SLC16A12: variants seen among roughly 807,000 people sequenced by gnomAD.
SLC16A12 encodes the protein solute carrier family 16 member 12.
In SLC16A12, 17 loss-of-function variants were observed where a neutral mutation model predicts 42.4. The observed-to-expected ratio is 0.40, with a 90% CI of 0.27 to 0.60. The LOEUF is 0.60. Ranked by LOEUF, SLC16A12 falls within the 20% of genes least tolerant of loss-of-function variation. The pLI is 0.42. For synonymous variants in SLC16A12, 224 were observed against 229.4 expected (o/e 0.98, Z 0.21); for missense variants, 544 against 623.0 (o/e 0.87, Z 1.35).
At chr10:89,439,332 C>T (rs1841864181) in intron 5 of SLC16A12, 149 bp from the exon 6 acceptor site, 1 of 750,486 alleles carries the variant, frequency 1.3e-6, no homozygotes, top group Admixed American at 2.9e-5. Context: ...TGAGTCTCCC[C>T]TCACCAGTCA....
chr10:89,491,108 T>C (rs933122927), intron 2 of SLC16A12, among the ~76,000 whole-genome samples: 3 of 152,222 alleles, frequency 2.0e-5, no homozygotes, highest in African/African-American at 7.2e-5. Context: ...ATAGCAACTA[T>C]ACTACCACCC....
chr10:89,473,364 G>A (rs1289993181), intron 2 of SLC16A12, among the ~76,000 whole-genome samples: 2 of 151,986 alleles, frequency 1.3e-5, no homozygotes, highest in Non-Finnish European at 2.9e-5. Flanking sequence ...ATTCACATGG[G>A]GAAAAATGAA....
intron 2 of SLC16A12, among the ~76,000 whole-genome samples, chr10:89,486,668 G>GAAAGAAAGA (rs1564586030): frequency 1.7e-4 from 10 of 58,452 alleles, no homozygotes; most frequent in Admixed American, 8.9e-4. Flanking sequence ...AGAAAGAAAA[G>GAAAGAAAGA]AAAGAAAGAA....
intron 2 of SLC16A12, among the ~76,000 whole-genome samples, chr10:89,524,762 T>C (rs555189608): frequency 2.0e-5 from 3 of 152,218 alleles, no homozygotes; most frequent in South Asian, 2.1e-4. Context: ...GTCTAACACA[T>C]GGCAGGGCCT....
chr10:89,446,498 T>A lies in SLC16A12; in HGVS notation c.201-2639A>T, dbSNP rs1842004076. Among the ~76,000 whole-genome samples, 9 of 152,136 alleles carry A rather than the reference T, an allele frequency of 5.9e-5. 1 individual carries two copies. In the South Asian group the frequency reaches 1.9e-3, roughly 32 times the overall value. On this transcript the variant is annotated intron_variant, in intron 3 of 7. Transcript: ENST00000371790. ...AATTTTCAACCCAGAATTTCATATC[T>A]GGCCAAACTAAGCTTCATAAGTGAA... is the stretch of plus-strand genomic sequence containing the variant.
chr10:89,522,337 C>G (rs1368975882), intron 2 of SLC16A12, among the ~76,000 whole-genome samples: 1 of 152,206 alleles, frequency 6.6e-6, no homozygotes, highest in Admixed American at 6.5e-5. Context: ...TTCCCCCATT[C>G]CATTAACTGG....
chr10:89,455,623 A>T (rs1842176681), intron 3 of SLC16A12, among the ~76,000 whole-genome samples: 1 of 152,218 alleles, frequency 6.6e-6, no homozygotes, highest in Non-Finnish European at 1.5e-5. Flanking sequence ...TATGCCTCTG[A>T]ACACAGGCAT....
At chr10:89,536,786 G>T (rs1843668982), upstream of SLC16A12, among the ~76,000 whole-genome samples, 1 of 152,070 alleles carries the variant, frequency 6.6e-6, no homozygotes, top group South Asian at 2.1e-4. Context: ...AAGATTCCCT[G>T]GTGATTTCGC....
chr10:89,435,896 GTAGGTGGGACCATGA>G (rs1286200955), intron 7 of SLC16A12, among the ~76,000 whole-genome samples, 149 bp downstream of exon 7: 2 of 152,216 alleles, frequency 1.3e-5, no homozygotes. Context: ...AAACAAGGAT[GTAGGTGGGACCATGA>G]TGGTTTTGGG....
intron 2 of SLC16A12, among the ~76,000 whole-genome samples, chr10:89,527,249 G>A (rs1190142514): frequency 4.6e-5 from 7 of 152,016 alleles, no homozygotes; most frequent in African/African-American, 9.7e-5. Context: ...TTGGGAGGCC[G>A]AGGTGGGCAG....
Position 89,433,317 on chromosome 10 carries a change from A to G in SLC16A12, c.1298T>C (p.Val433Ala). The change falls in exon 8 of 8, where the codon GTA becomes GCA. Residue 433 changes from valine to alanine, a missense_variant. Val to Ala is a moderately conservative substitution (Grantham distance 64). Coordinates refer to ENST00000371790, the MANE Select transcript of SLC16A12 (RefSeq NM_213606.4). ...TGCAGTGTAGCTGCCGGTGGTATCT[A>G]CCAGCCGTCCTGTAACAAACAACAG... ...LVSPPIAGRL[V>A]DTTGSYTAAF... 1 of 1,613,964 alleles carries G rather than the reference A, an allele frequency of 6.2e-7. No individual in the cohort carries two copies. The highest frequency in any genetic ancestry group is 8.5e-7 in the Non-Finnish European group (1 of 1,180,002).
chr10:89,539,917 T>TTTCTTTCTTTTTTC (rs1564604845), upstream of SLC16A12, among the ~76,000 whole-genome samples: 3 of 136,952 alleles, frequency 2.2e-5, no homozygotes, highest in Admixed American at 2.3e-4. Context: ...TTCTTTTTTC[T>TTTCTTTCTTTTTTC]TTTTTTCTTT....
In SLC16A12 at chr10:89,548,514, A is replaced by G. The variant is rs1843753565; in HGVS notation, c.-47+7368T>C. The stretch of plus-strand genomic sequence containing the variant: ...ATGCCTGCAATGTCTAGTAGGAGAA[A>G]TAAAAAAAAAACGCAGTCGCGACTG... On this transcript the variant is annotated intron_variant, in intron 2 of 2. Coordinates refer to the SLC16A12 transcript ENST00000475682. 3.3e-5 allele frequency among the ~76,000 whole-genome samples: 5 copies of G among 152,012 alleles called. No homozygotes were observed. The South Asian group carries it at 1.0e-3, about 32-fold the overall frequency.
intron 2 of SLC16A12, among the ~76,000 whole-genome samples, chr10:89,533,924 A>G (rs1843602570): frequency 6.6e-6 from 1 of 152,188 alleles, no homozygotes; most frequent in Non-Finnish European, 1.5e-5. Context: ...CCTAGAGGCA[A>G]TATGCCTTGG....
intron 2 of SLC16A12, among the ~76,000 whole-genome samples, chr10:89,502,498 A>G (rs1376337902): frequency 1.3e-5 from 2 of 152,140 alleles, no homozygotes; most frequent in Admixed American, 1.3e-4. Context: ...AACTCCTGAT[A>G]CAACTGAGAA....
intron 2 of SLC16A12, among the ~76,000 whole-genome samples, chr10:89,514,922 C>T (rs1843223051): frequency 6.6e-6 from 1 of 152,092 alleles, no homozygotes; most frequent in South Asian, 2.1e-4. Flanking sequence ...GAAACCTCGT[C>T]TCTACTAAAA....
chr10:89,478,216 T>C (rs1842609599), intron 2 of SLC16A12, among the ~76,000 whole-genome samples: 1 of 152,092 alleles, frequency 6.6e-6, no homozygotes, highest in Non-Finnish European at 1.5e-5. Flanking sequence ...AGAAAGTCCC[T>C]GTTGAAGGGA....
At chr10:89,526,971 AAC>A (rs1275445443) in intron 2 of SLC16A12, among the ~76,000 whole-genome samples, 1 of 152,210 alleles carries the variant, frequency 6.6e-6, no homozygotes, top group Non-Finnish European at 1.5e-5. Context: ...CATGCCCTGT[AAC>A]ACAGCTCCAG....
intron 2 of SLC16A12, among the ~76,000 whole-genome samples, chr10:89,521,104 T>A (rs1843344990): frequency 6.6e-6 from 1 of 152,228 alleles, no homozygotes; most frequent in African/African-American, 2.4e-5. Flanking sequence ...TCTGTCCAAG[T>A]GCATGCTGCT....
Sources: gnomAD v4.1 joint callset for allele counts (sites outside exome capture counted in the v4.1 genomes callset) on GRCh38, gnomAD v4.1.1 for gene constraint, MANE v1.5 for transcripts, NCBI Gene and HGNC (gene_info 2026-07-23, HGNC 2026-07-21) for gene names.